The following MBNL3 variants were observed in gnomAD, a reference collection of about 807,000 sequenced individuals.
The protein encoded by MBNL3 is muscleblind like splicing regulator 3.
In MBNL3, 6 loss-of-function variants were observed where a neutral mutation model predicts 24.5. The ratio of observed to expected loss-of-function variants is 0.25; its 90% CI spans 0.13 to 0.48. The LOEUF is 0.48. Among genes scored for constraint, MBNL3 ranks in the 20% least tolerant of loss-of-function variants. The probability of loss-of-function intolerance (pLI) is 0.99; values close to 1 mark genes in which losing one functional copy is unlikely to be tolerated. For missense variants in MBNL3, 230 were observed against 293.5 expected (o/e 0.78, Z 1.58); for synonymous variants, 100 against 101.7 (o/e 0.98, Z 0.10).
intron 2 of MBNL3, chrX:132,431,886 C>T (rs1434083264): frequency 9.0e-6 from 1 of 111,651 alleles, no homozygotes; most frequent in Non-Finnish European, 1.9e-5. Context: ...AATAGGCTCT[C>T]ATTATCTACT....
chrX:132,463,627 A>G (rs1344393259), intron 1 of MBNL3, among the ~76,000 whole-genome samples: 1 of 111,951 alleles, frequency 8.9e-6, no homozygotes, highest in Non-Finnish European at 1.9e-5. Context: ...CTAGTGGCAG[A>G]TAACAGAATT....
Position 132,379,351 on chromosome X carries a change from A to C in MBNL3, c.*315T>G, listed in dbSNP as rs1427951124. The C allele has an allele frequency of 4.5e-6, 1 of 224,364 alleles. No individual in the cohort carries two copies. The highest frequency in any genetic ancestry group is 8.5e-5 in the East Asian group (1 of 11,829). 18.5% of individuals were successfully genotyped at this position (224,364 alleles called of 1,213,427 possible). A position where few individuals can be genotyped will look rare whatever the true frequency, so the allele number is the denominator to read the frequency against. On this transcript the variant is annotated 3_prime_UTR_variant, in exon 9 of 9. Transcript: ENST00000370853. ...AGCCAAAAGCTCACTGTGGAAATAC[A>C]CTTAGCATGGTTATTAGAAAATCAC...
intron 6 of MBNL3, 97 bp downstream of exon 6, chrX:132,386,564 G>C (rs956080551): frequency 2.1e-6 from 2 of 952,723 alleles, no homozygotes; most frequent in Non-Finnish European, 2.8e-6. Flanking sequence ...AATACATGTC[G>C]ACAGTCCTCC....
chrX:132,475,558 A>G (rs1449557257), intron 1 of MBNL3, among the ~76,000 whole-genome samples: 1 of 111,936 alleles, frequency 8.9e-6, no homozygotes, highest in Non-Finnish European at 1.9e-5. Flanking sequence ...AACTTAAAAA[A>G]ACTGTCATAA....
rs746246127 is a variant in MBNL3, at chrX:132,381,354, CT to C, written c.1053+823del. ...TTATTTATATTAATACTGAAAGAAA[CT>C]TACTGTTCTACTGAGAACTTCTACA... On this transcript the variant is annotated intron_variant, in intron 8 of 8. Coordinates refer to ENST00000370853, the MANE Select transcript of MBNL3 (RefSeq NM_001386889.1). 7.3e-6 allele frequency: 8 copies of C among 1,102,377 alleles called. No homozygotes were observed. In the South Asian group the frequency reaches 1.7e-4, roughly 24 times the overall value. 90.8% of individuals were successfully genotyped at this position (1,102,377 alleles called of 1,213,427 possible).
intron 1 of MBNL3, among the ~76,000 whole-genome samples, chrX:132,481,549 ATCATCATTG>A (rs1430959912): frequency 3.6e-5 from 4 of 112,003 alleles, no homozygotes; most frequent in African/African-American, 1.3e-4. Flanking sequence ...TCTCATCATC[ATCATCATTG>A]TCATCCCACA....
At chrX:132,469,375 G>C (rs1947055410) in intron 1 of MBNL3, among the ~76,000 whole-genome samples, 1 of 112,611 alleles carries the variant, frequency 8.9e-6, no homozygotes, top group South Asian at 3.6e-4. Context: ...GTGCACATCT[G>C]TCATATGGAA....
intron 6 of MBNL3, among the ~76,000 whole-genome samples, chrX:132,385,409 A>T (rs1238432551): frequency 1.8e-5 from 2 of 111,657 alleles, no homozygotes; most frequent in Non-Finnish European, 1.9e-5. Context: ...GCTATAATAC[A>T]AATTGGAAGT....
chrX:132,441,501 A>G (rs1265328656), intron 1 of MBNL3, among the ~76,000 whole-genome samples: 1 of 112,550 alleles, frequency 8.9e-6, no homozygotes, highest in African/African-American at 3.2e-5. Context: ...AGTTACATGC[A>G]GGACCATGTT....
intron 3 of MBNL3, among the ~76,000 whole-genome samples, chrX:132,396,030 TAAG>T (rs1282870174): frequency 2.7e-5 from 3 of 110,353 alleles, no homozygotes; most frequent in African/African-American, 9.9e-5. Context: ...TTGAAAAAAA[TAAG>T]AGAATAATAT....
chrX:132,470,762 T>C (rs1947137337), intron 1 of MBNL3, among the ~76,000 whole-genome samples: 1 of 111,912 alleles, frequency 8.9e-6, no homozygotes, highest in African/African-American at 3.2e-5. Flanking sequence ...TGAATTGTAA[T>C]GTCTGTCGCG....
intron 3 of MBNL3, among the ~76,000 whole-genome samples, chrX:132,404,187 A>G (rs1941415965): frequency 8.9e-6 from 1 of 112,122 alleles, no homozygotes; most frequent in South Asian, 3.7e-4. Context: ...GTATACGTCT[A>G]ACAAATCATC....
chrX:132,410,898 C>G (rs1211194393), intron 2 of MBNL3, among the ~76,000 whole-genome samples: 1 of 112,130 alleles, frequency 8.9e-6, no homozygotes, highest in African/African-American at 3.2e-5. Flanking sequence ...AAATTTCCCA[C>G]TTTCTTCCTC....
chrX:132,388,334 T>G (rs187625113), intron 5 of MBNL3, among the ~76,000 whole-genome samples: 1 of 112,443 alleles, frequency 8.9e-6, no homozygotes, highest in Admixed American at 9.4e-5. Context: ...TCATAAACCA[T>G]AAAACAAAAT....
chrX:132,401,829 T>C (rs201438549), intron 3 of MBNL3, among the ~76,000 whole-genome samples: 2 of 111,214 alleles, frequency 1.8e-5, no homozygotes, highest in East Asian at 5.6e-4. Flanking sequence ...ATTTGAACTT[T>C]CTATTATTTT....
intron 3 of MBNL3, among the ~76,000 whole-genome samples, chrX:132,403,233 T>C (rs1350278464): frequency 8.9e-6 from 1 of 112,014 alleles, no homozygotes; most frequent in Non-Finnish European, 1.9e-5. Flanking sequence ...CTAGCTCAAT[T>C]ACACCATGTC....
intron 3 of MBNL3, among the ~76,000 whole-genome samples, chrX:132,393,867 C>G (rs1219756269): frequency 9.0e-6 from 1 of 111,253 alleles, no homozygotes; most frequent in African/African-American, 3.3e-5. Flanking sequence ...AGTCTAAATA[C>G]AAATTGTGGA....
In MBNL3 at chrX:132,406,283, G is replaced by C; in HGVS notation, c.287C>G (p.Ala96Gly). Residue 96 changes from alanine (A) to glycine (G), a missense_variant, in exon 3 of 9, where the codon GCC (alanine) becomes GGC (glycine). By Grantham distance (60) the Ala-to-Gly change is moderately conservative. Transcript: ENST00000370853. ...NNLIQQKTAA[A>G]MFAQQMQLML... ...AAGCTGCATCTGCTGGGCGAACATG[G>C]CTGCGGCAGTCTTCTGTTGAATCAG... is the stretch of plus-strand genomic sequence containing the variant. The C allele has an allele frequency of 8.3e-7, 1 of 1,211,602 alleles. No individual in the cohort carries two copies. Among genetic ancestry groups the C allele is most frequent in the Non-Finnish European group, 1.1e-6 (1 of 895,344 alleles).
At chrX:132,412,528 G>A (rs1368468795) in intron 2 of MBNL3, among the ~76,000 whole-genome samples, 2 of 112,205 alleles carry the variant, frequency 1.8e-5, no homozygotes, top group South Asian at 7.4e-4. Flanking sequence ...AAATGTTTGC[G>A]GCTTTCCTTC....
Sources: gnomAD v4.1 joint callset for allele counts (sites outside exome capture counted in the v4.1 genomes callset) on GRCh38, gnomAD v4.1.1 for gene constraint, MANE v1.5 for transcripts, NCBI Gene and HGNC (gene_info 2026-07-23, HGNC 2026-07-21) for gene names.